CCDC181: variants seen among roughly 807,000 people sequenced by gnomAD.
CCDC181 encodes coiled-coil domain-containing protein 181.
Under a neutral mutation model 58.7 loss-of-function variants are expected in CCDC181, and 35 were observed. The ratio of observed to expected loss-of-function variants is 0.60; its 90% CI spans 0.46 to 0.79. The LOEUF is 0.79. Among genes scored for constraint, CCDC181 ranks in the 30% least tolerant of loss-of-function variants. The pLI, the probability that CCDC181 is intolerant of heterozygous loss-of-function variation, is 0.00. For missense variants in CCDC181, 517 were observed against 583.9 expected (o/e 0.89, Z 1.18); for synonymous variants, 183 against 197.5 (o/e 0.93, Z 0.62).
chr1:169,448,635 G>C (rs1456618021), intron 2 of CCDC181, among the ~76,000 whole-genome samples: 1 of 151,930 alleles, frequency 6.6e-6, no homozygotes, highest in African/African-American at 2.4e-5. Context: ...GATATGCCCT[G>C]GTGTAGATTT....
At chr1:169,460,038 A>C (rs939176368) in intron 1 of CCDC181, among the ~76,000 whole-genome samples, 2 of 151,984 alleles carry the variant, frequency 1.3e-5, no homozygotes, top group East Asian at 1.9e-4. Flanking sequence ...ACATTTCAGC[A>C]TTTGGGACAG....
rs149997629 is a variant in CCDC181, at chr1:169,424,819, T to C, written c.109A>G (p.Ile37Val). The change falls in exon 2 of 6, where the codon ATA (isoleucine) becomes GTA (valine). Residue 37 changes from isoleucine to valine, a missense_variant. By Grantham distance (29) the Ile-to-Val change is conservative. Coordinates refer to ENST00000367806, the MANE Select transcript of CCDC181 (RefSeq NM_001300969.2). ...CTGTTGGCAATATATACCTCTATTATGCTGGCATCACTTTTTTCATTTTCA... is the reference window on the plus strand; with the variant it reads ...CTGTTGGCAATATATACCTCTATTACGCTGGCATCACTTTTTTCATTTTCA... ...INENEKSDAS[I>V]IEMACEKEEN... The C allele has an allele frequency of 7.2e-5, 112 of 1,564,596 alleles. 1 individual carries two copies. The Middle Eastern group carries it at 2.2e-3, about 30-fold the overall frequency.
upstream of CCDC181, among the ~76,000 whole-genome samples, chr1:169,431,039 A>AAGT (rs1398744644): frequency 6.6e-6 from 1 of 152,182 alleles, no homozygotes; most frequent in Non-Finnish European, 1.5e-5. Context: ...TTTGCCAAGG[A>AAGT]AGTAGCCTCT....
rs1477241016 is a variant in CCDC181 at position 169,395,063 on chromosome 1, G to A, written c.1514C>T (p.Thr505Ile). 6.3e-7 allele frequency: 1 copy of A among 1,595,206 alleles called. No individual in the cohort carries two copies. Among genetic ancestry groups the A allele is most frequent in the Non-Finnish European group, 8.5e-7 (1 of 1,173,790 alleles). ...YMSEAKPFRF[T>I]DHYN ...TAGAAACTTTCAGTTATAATGATCAGTAAAACGAAAAGGTTTGGCTTCTGA... is the reference window on the plus strand; with the variant it reads ...TAGAAACTTTCAGTTATAATGATCAATAAAACGAAAAGGTTTGGCTTCTGA... The change falls in exon 6 of 6, where the codon ACT (threonine) becomes ATT (isoleucine). Residue 505 changes from threonine (T) to isoleucine (I), a missense_variant. Thr to Ile is a moderately conservative substitution (Grantham distance 89). Coordinates refer to ENST00000367806, the MANE Select transcript of CCDC181 (RefSeq NM_001300969.2).
chr1:169,442,350 C>CA (rs566554294), intron 2 of CCDC181, among the ~76,000 whole-genome samples: 2 of 149,018 alleles, frequency 1.3e-5, no homozygotes, highest in Admixed American at 6.7e-5. Flanking sequence ...AACCCAGTTG[C>CA]AAAAAAAAAG....
intron 4 of CCDC181, among the ~76,000 whole-genome samples, chr1:169,401,936 A>G (rs1655375387): frequency 6.6e-6 from 1 of 152,216 alleles, no homozygotes; most frequent in Admixed American, 6.5e-5. Flanking sequence ...GCTAACTAGA[A>G]TAAACAGTGT....
intron 2 of CCDC181, among the ~76,000 whole-genome samples, chr1:169,440,123 G>A (rs1164972418): frequency 6.6e-6 from 1 of 152,132 alleles, no homozygotes; most frequent in African/African-American, 2.4e-5. Flanking sequence ...GGCCTTTTCT[G>A]GGGAACTGCT....
At chr1:169,395,309 A>G (rs979695767) in intron 5 of CCDC181, 103 bp from the exon 6 acceptor site, 14 of 1,019,488 alleles carry the variant, frequency 1.4e-5, no homozygotes, top group Non-Finnish European at 1.9e-5. Flanking sequence ...ATTTCTTTAC[A>G]ATGAAATACT....
At chr1:169,431,979 C>A (rs1656931799), upstream of CCDC181, among the ~76,000 whole-genome samples, 2 of 152,112 alleles carry the variant, frequency 1.3e-5, no homozygotes, top group African/African-American at 2.4e-5. Context: ...TAAAAAGCAA[C>A]TACATTTACA....
intron 2 of CCDC181, among the ~76,000 whole-genome samples, chr1:169,446,694 A>C (rs12023025): frequency 0.12 from 18,461 of 152,262 alleles, 1,186 homozygotes; most frequent in Admixed American, 0.14. Context: ...ACAGTGTATT[A>C]GATATTATAA....
intron 2 of CCDC181, among the ~76,000 whole-genome samples, chr1:169,458,180 T>G (rs1400930879): frequency 2.1e-5 from 3 of 140,456 alleles, no homozygotes; most frequent in Admixed American, 7.0e-5. Flanking sequence ...TTTTTGTTTT[T>G]TTTTTTTTGT....
intron 5 of CCDC181, chr1:169,395,794 T>C (rs956705437): frequency 7.2e-5 from 11 of 151,914 alleles, no homozygotes; most frequent in African/African-American, 2.7e-4. Flanking sequence ...TGCATATACA[T>C]ATATACCTGG....
chr1:169,439,192 C>T (rs1344204572), intron 2 of CCDC181, among the ~76,000 whole-genome samples: 2 of 152,062 alleles, frequency 1.3e-5, no homozygotes, highest in Non-Finnish European at 2.9e-5. Flanking sequence ...AGACACCCCA[C>T]CATGGGGCTA....
rs557405668 is a variant in CCDC181, at chr1:169,400,798, A to G, written c.1216-3407T>C. Among the ~76,000 whole-genome samples the G allele has an allele frequency of 3.9e-5, 6 of 152,304 alleles. No individual in the cohort carries two copies. In the South Asian group the frequency reaches 8.3e-4, roughly 21 times the overall value. ...CATTTCCAACTGAGGTACCGGGTTCATCTCACTGGGGCTTGTCAGACAGTG... is the reference window on the plus strand; with the variant it reads ...CATTTCCAACTGAGGTACCGGGTTCGTCTCACTGGGGCTTGTCAGACAGTG... On this transcript the variant is annotated intron_variant, in intron 4 of 5. Transcript: ENST00000367806.
At chr1:169,425,440 A>T (rs1227746035) in intron 1 of CCDC181, among the ~76,000 whole-genome samples, 1 of 152,062 alleles carries the variant, frequency 6.6e-6, no homozygotes, top group Non-Finnish European at 1.5e-5. Flanking sequence ...TTCTTTCTAG[A>T]TACTTATTTA....
At chr1:169,418,891 A>G (rs1656331488) in intron 4 of CCDC181, 122 bp downstream of exon 4, 1 of 692,822 alleles carries the variant, frequency 1.4e-6, no homozygotes, top group Admixed American at 2.7e-5. Context: ...TTGCAAGGGT[A>G]GTTCTTGAAC....
intron 4 of CCDC181, among the ~76,000 whole-genome samples, chr1:169,397,672 T>C (rs988733246): frequency 6.6e-5 from 10 of 151,782 alleles, no homozygotes; most frequent in Non-Finnish European, 1.5e-4. Flanking sequence ...AATTTTCTTA[T>C]AAAGATAGCA....
chr1:169,456,676 G>A (rs2101762637), intron 2 of CCDC181, among the ~76,000 whole-genome samples: 1 of 152,180 alleles, frequency 6.6e-6, no homozygotes, highest in African/African-American at 2.4e-5. Flanking sequence ...ACACTGCCTT[G>A]GAACTCTGAA....
chr1:169,425,254 A>G (rs1438491185), intron 1 of CCDC181, among the ~76,000 whole-genome samples: 1 of 152,100 alleles, frequency 6.6e-6, no homozygotes, highest in Non-Finnish European at 1.5e-5. Flanking sequence ...TGAATTAATA[A>G]ATAATCCACC....
Sources: allele counts gnomAD v4.1 joint callset (sites outside exome capture counted in the v4.1 genomes callset), GRCh38; gene constraint gnomAD v4.1.1; transcripts MANE v1.5; gene names NCBI Gene and HGNC (gene_info 2026-07-23, HGNC 2026-07-21).